Variants in RAB33A observed in about 807,000 individuals in gnomAD.
RAB33A encodes ras-related protein Rab-33A.
In RAB33A, 6 loss-of-function variants were observed where a neutral mutation model predicts 12.0. The ratio of observed to expected loss-of-function variants is 0.50; its 90% CI spans 0.27 to 0.99. The LOEUF (loss-of-function observed/expected upper bound fraction) is 0.99. Ranked by LOEUF, RAB33A falls within the 50% of genes least tolerant of loss-of-function variation. The probability of loss-of-function intolerance (pLI) is 0.11; values close to 1 mark genes in which losing one functional copy is unlikely to be tolerated. For synonymous variants in RAB33A, 70 were observed against 82.4 expected (o/e 0.85, Z 0.81); for missense variants, 109 against 192.0 (o/e 0.57, Z 2.55).
At chrX:130,139,909 G>T in the RAB33A span, 95 of 1,101,927 alleles carry the variant, frequency 8.6e-5, no homozygotes, top group Non-Finnish European at 1.1e-4. Flanking sequence ...AGCCCAACAA[G>T]CAGGAGCCAG....
At chrX:130,146,960 G>C in the RAB33A span, among the ~76,000 whole-genome samples, 1 of 111,958 alleles carries the variant, frequency 8.9e-6, no homozygotes, top group South Asian at 3.7e-4. Flanking sequence ...AGGAGATCGA[G>C]ACCATCTTGG....
chrX:130,135,322 AG>A, the RAB33A span, among the ~76,000 whole-genome samples: 1 of 109,123 alleles, frequency 9.2e-6, no homozygotes, highest in Non-Finnish European at 1.9e-5. Context: ...CCTGATCTCA[AG>A]TGATCCACCT....
the RAB33A span, chrX:130,129,771 C>G: frequency 1.3e-6 from 1 of 743,702 alleles, no homozygotes; most frequent in Non-Finnish European, 2.1e-6. Context: ...CCCAAACAAG[C>G]AGCCTGCCAA....
At chrX:130,171,121 C>G (rs1223320978), upstream of RAB33A, among the ~76,000 whole-genome samples, 1 of 113,166 alleles carries the variant, frequency 8.8e-6, no homozygotes, top group African/African-American at 3.2e-5. Flanking sequence ...TCTGGCAAGT[C>G]TGTAACAGAA....
Position 130,184,724 on chromosome X carries a change from C to T in RAB33A, c.698C>T (p.Thr233Ile). ...TTCCCACAGGAAGCTAACAGTAAAA[C>T]TTCCTGTCCTTGTTGAAACCAAACG... ...LEFPQEANSK[T>I]SCPC Residue 233 changes from threonine to isoleucine, a missense_variant, in exon 2 of 2, where the codon ACT (threonine) becomes ATT (isoleucine). By Grantham distance (89) the Thr-to-Ile change is moderately conservative (BLOSUM62 -1). Coordinates refer to ENST00000257017, the MANE Select transcript of RAB33A (RefSeq NM_004794.3). 1 of 1,208,514 alleles carries T rather than the reference C, an allele frequency of 8.3e-7. No individual in the cohort carries two copies. The highest frequency in any genetic ancestry group is 1.1e-6 in the Non-Finnish European group (1 of 892,699).
the RAB33A span, chrX:130,145,623 TC>T: frequency 1.0e-6 from 1 of 953,329 alleles, no homozygotes; most frequent in Non-Finnish European, 1.5e-6. Flanking sequence ...GTTATCAGCT[TC>T]CCCCGTAGCT....
At chrX:130,126,349 G>A in the RAB33A span, among the ~76,000 whole-genome samples, 3 of 110,820 alleles carry the variant, frequency 2.7e-5, no homozygotes, top group African/African-American at 6.6e-5. Context: ...AAAATTAGCC[G>A]GGTGTGGTGG....
At chrX:130,154,145 G>C in the RAB33A span, among the ~76,000 whole-genome samples, 1 of 112,345 alleles carries the variant, frequency 8.9e-6, no homozygotes, top group African/African-American at 3.2e-5. Flanking sequence ...TAATACGGTA[G>C]CTTTATTATT....
Position 130,172,446 on chromosome X carries a change from G to A in RAB33A, c.258+126G>A, listed in dbSNP as rs1184603144. On this transcript the variant is annotated intron_variant, in intron 1 of 1. Coordinates refer to ENST00000257017, the MANE Select transcript of RAB33A (RefSeq NM_004794.3). ...CGGTTTCGCCTCTTGCTGAGCCGAG[G>A]ACCCTCGGCTCCTCCTCACCCCTTT... 4 of 901,580 alleles carry A rather than the reference G, an allele frequency of 4.4e-6. No individual in the cohort carries two copies. In the African/African-American group the frequency reaches 8.1e-5, roughly 18 times the overall value. 74.3% of individuals were successfully genotyped at this position (901,580 alleles called of 1,213,427 possible).
the RAB33A span, among the ~76,000 whole-genome samples, chrX:130,165,077 TTC>T: frequency 9.1e-6 from 1 of 110,076 alleles, no homozygotes; most frequent in Non-Finnish European, 1.9e-5. Flanking sequence ...CCTGCACCGT[TTC>T]TGTTTCACTG....
the RAB33A span, chrX:130,133,346 G>C: frequency 8.3e-7 from 1 of 1,211,387 alleles, no homozygotes; most frequent in Non-Finnish European, 1.1e-6. Context: ...CGGCTTAGCA[G>C]CTCCAGTCAT....
intron 1 of RAB33A, among the ~76,000 whole-genome samples, chrX:130,180,134 C>A (rs1278105004): frequency 9.0e-6 from 1 of 110,911 alleles, no homozygotes; most frequent in Non-Finnish European, 1.9e-5. Context: ...GGGAATCAAC[C>A]AGGTGTAGCT....
At chrX:130,118,524 C>A in the RAB33A span, among the ~76,000 whole-genome samples, 1 of 112,875 alleles carries the variant, frequency 8.9e-6, no homozygotes, top group Non-Finnish European at 1.9e-5. Flanking sequence ...CCTGCCCCCA[C>A]ATCGGGGTTG....
chrX:130,118,157 A>T, the RAB33A span, among the ~76,000 whole-genome samples: 508 of 112,538 alleles, frequency 4.5e-3, 3 homozygotes, highest in African/African-American at 0.016. Context: ...GTGTGCAAGC[A>T]GGTGGCAGTA....
chrX:130,171,594 G>T (rs766728828), upstream of RAB33A: 12 of 127,031 alleles, frequency 9.4e-5, no homozygotes, highest in South Asian at 3.3e-3. Flanking sequence ...TCTATCCCGG[G>T]GTGGCGTGTG....
chrX:130,139,644 G>A, the RAB33A span: 1 of 527,101 alleles, frequency 1.9e-6, no homozygotes, highest in Non-Finnish European at 3.3e-6. Flanking sequence ...GCAGAGAGAG[G>A]AAGTGACTTG....
chrX:130,148,410 A>C, the RAB33A span, among the ~76,000 whole-genome samples: 1 of 111,962 alleles, frequency 8.9e-6, no homozygotes, highest in Non-Finnish European at 1.9e-5. Flanking sequence ...CTGAAAATTG[A>C]AGTGAATCAT....
the RAB33A span, chrX:130,137,331 G>A: frequency 8.6e-7 from 1 of 1,167,477 alleles, no homozygotes; most frequent in African/African-American, 1.8e-5. Flanking sequence ...ACAGGACAGT[G>A]GGCATGAGGG....
Position 130,184,395 on chromosome X carries a change from A to T in RAB33A, c.369A>T (p.Thr123=), listed in dbSNP as rs756732534. 1 of 1,210,106 alleles carries T rather than the reference A, an allele frequency of 8.3e-7. No individual in the cohort carries two copies. Among genetic ancestry groups the T allele is most frequent in the African/African-American group, 1.7e-5 (1 of 57,367 alleles). The part of the protein sequence containing the change: ...VVFVYDVTKM[T]SFTNLKMWIQ... Reference sequence around the variant, plus strand: ...TCGTCTATGACGTCACCAAGATGACATCTTTCACCAACCTCAAAATGTGGA... The same window carrying T: ...TCGTCTATGACGTCACCAAGATGACTTCTTTCACCAACCTCAAAATGTGGA... Residue 123 remains threonine, a synonymous_variant, in exon 2 of 2, where the codon ACA becomes ACT. Coordinates refer to ENST00000257017, the MANE Select transcript of RAB33A (RefSeq NM_004794.3).
Sources: gnomAD v4.1 joint callset for allele counts (sites outside exome capture counted in the v4.1 genomes callset) on GRCh38, gnomAD v4.1.1 for gene constraint, MANE v1.5 for transcripts, NCBI Gene and HGNC (gene_info 2026-07-23, HGNC 2026-07-21) for gene names.